LARP6: variants seen among roughly 807,000 people sequenced by gnomAD.
The protein encoded by LARP6 is la-related protein 6.
LARP6 carries 18 observed loss-of-function variants against 32.8 expected under a neutral mutation model. The observed-to-expected ratio is 0.55, with a 90% CI of 0.38 to 0.81. The LOEUF (loss-of-function observed/expected upper bound fraction) is 0.81, where lower values mean the gene tolerates loss of function less well. Among genes scored for constraint, LARP6 ranks in the 40% least tolerant of loss-of-function variants. The pLI, the probability that LARP6 is intolerant of heterozygous loss-of-function variation, is 0.00. For synonymous variants in LARP6, 289 were observed against 267.2 expected (o/e 1.08, Z -0.80); for missense variants, 598 against 663.1 (o/e 0.90, Z 1.08).
At chr15:70,847,481 C>T (rs11635210) in intron 1 of LARP6, among the ~76,000 whole-genome samples, 62,070 of 151,600 alleles carry the variant, frequency 0.41, 14,236 homozygotes, top group Admixed American at 0.63. Context: ...GCGATTCTCC[C>T]GCCTCAGCCT....
rs765085044 is a variant in LARP6, at chr15:70,832,255, C to T, written c.1273G>A (p.Val425Ile). 4.3e-6 allele frequency: 7 copies of T among 1,614,150 alleles called. No homozygotes were observed. Among genetic ancestry groups the T allele is most frequent in the East Asian group, 4.5e-5 (2 of 44,850 alleles). ...ACCCAGGGGCTGCCAGAGGGAGTGACGCTGCTGTCAGAGGAATAATCCATA... is the reference window on the plus strand; with the variant it reads ...ACCCAGGGGCTGCCAGAGGGAGTGATGCTGCTGTCAGAGGAATAATCCATA... ...KCMDYSSDSSVTPSGSPWVRR... is the reference protein window; with the variant it reads ...KCMDYSSDSSITPSGSPWVRR... The change falls in exon 3 of 3, where the codon GTC (valine) becomes ATC (isoleucine). Residue 425 changes from valine to isoleucine, a missense_variant. Physicochemically the swap from Val to Ile is conservative, Grantham distance 29. Around this residue, in one of 3 missense-constraint regions of LARP6, gnomAD observed 368 missense variants for 397.9 expected, o/e 0.92. Transcript: ENST00000299213.
chr15:70,846,400 G>T (rs560125909), intron 1 of LARP6, among the ~76,000 whole-genome samples: 3 of 152,238 alleles, frequency 2.0e-5, no homozygotes, highest in Admixed American at 2.0e-4. Flanking sequence ...TTTGAGGCCA[G>T]GAGTTCGAGA....
chr15:70,845,637 C>G (rs902946013), intron 1 of LARP6, among the ~76,000 whole-genome samples: 1 of 152,264 alleles, frequency 6.6e-6, no homozygotes, highest in African/African-American at 2.4e-5. Flanking sequence ...AAGAAGGCCA[C>G]TGTACACAGC....
In LARP6 at chr15:70,830,321, A is replaced by G. The variant is rs1320310846; in HGVS notation, c.*1731T>C. On this transcript the variant is annotated 3_prime_UTR_variant, in exon 3 of 3. Transcript: ENST00000299213. ...CACAAGTTTGGGATATTATTTTCCT[A>G]CTTCAGCAGCTGCATGTGTGATACT... 2.0e-5 allele frequency: 3 copies of G among 152,266 alleles called. No homozygotes were observed. The highest frequency in any genetic ancestry group is 1.9e-4 in the East Asian group (1 of 5,200). The allele number at this position is 152,266 out of a possible 1,614,324, so 9.4% of individuals were successfully genotyped here.
intron 1 of LARP6, chr15:70,853,656 C>T: frequency 3.1e-6 from 1 of 326,798 alleles, no homozygotes; most frequent in East Asian, 4.7e-5. Context: ...CCCTCAGATC[C>T]CGGCCGCCAG....
chr15:70,845,865 T>C (rs148695158), intron 1 of LARP6, among the ~76,000 whole-genome samples: 3 of 152,372 alleles, frequency 2.0e-5, no homozygotes, highest in East Asian at 3.9e-4. Flanking sequence ...CTGGGGGCTC[T>C]ACCCAAATGG....
chr15:70,843,103 A>AC (rs959298842), intron 1 of LARP6, among the ~76,000 whole-genome samples: 6 of 151,108 alleles, frequency 4.0e-5, no homozygotes, highest in African/African-American at 1.5e-4. Flanking sequence ...CTTCCAACCC[A>AC]CCCCCCAACT....
intron 1 of LARP6, chr15:70,853,642 A>G: frequency 3.2e-6 from 1 of 313,730 alleles, no homozygotes; most frequent in Non-Finnish European, 5.8e-6. Context: ...CCCCACGTCC[A>G]GGCCCCTCAG....
intron 1 of LARP6, among the ~76,000 whole-genome samples, chr15:70,844,394 A>G (rs2032312358): frequency 1.3e-5 from 2 of 152,108 alleles, no homozygotes; most frequent in African/African-American, 4.8e-5. Context: ...CCTATTTCCA[A>G]CCTTCCATAT....
chr15:70,841,189 A>G (rs2032251388), intron 1 of LARP6, among the ~76,000 whole-genome samples: 1 of 152,200 alleles, frequency 6.6e-6, no homozygotes, highest in South Asian at 2.1e-4. Flanking sequence ...CTGGGATTAC[A>G]GGCGTGAGCC....
intron 1 of LARP6, among the ~76,000 whole-genome samples, chr15:70,847,371 AT>A (rs893881453): frequency 0.012 from 1,688 of 144,732 alleles, 8 homozygotes; most frequent in African/African-American, 0.01. Flanking sequence ...TCAGTGCTGA[AT>A]TTTTTTTTTT....
chr15:70,848,153 G>T (rs1335609748), intron 1 of LARP6, among the ~76,000 whole-genome samples: 3 of 152,178 alleles, frequency 2.0e-5, no homozygotes, highest in Non-Finnish European at 2.9e-5. Flanking sequence ...TCTCAACTTT[G>T]TTAAAGGCAT....
In LARP6 at chr15:70,852,892, T is replaced by A. The variant is rs558591117; in HGVS notation, c.200+997A>T. Among the ~76,000 whole-genome samples, 5 of 152,166 alleles carry A rather than the reference T, an allele frequency of 3.3e-5. No individual in the cohort carries two copies. The East Asian group carries it at 9.7e-4, about 29-fold the overall frequency. On this transcript the variant is annotated intron_variant, in intron 1 of 2. Transcript: ENST00000299213. The stretch of plus-strand genomic sequence containing the variant: ...ATTCTTCCACCCTTGAGTTGAGTAT[T>A]CTCCCAGTGAAGTAGATATACGCTT...
intron 1 of LARP6, among the ~76,000 whole-genome samples, chr15:70,846,657 A>T (rs938387962): frequency 2.0e-5 from 2 of 98,050 alleles, no homozygotes; most frequent in African/African-American, 3.2e-5. Flanking sequence ...TACATAATAA[A>T]AAAAAAACCA....
At chr15:70,845,693 G>A (rs2032333273) in intron 1 of LARP6, among the ~76,000 whole-genome samples, 1 of 152,242 alleles carries the variant, frequency 6.6e-6, no homozygotes, top group South Asian at 2.1e-4. Context: ...TATTCACTGT[G>A]AAGACAAAAG....
intron 2 of LARP6, among the ~76,000 whole-genome samples, chr15:70,834,568 G>A (rs1310397211): frequency 6.6e-6 from 1 of 152,220 alleles, no homozygotes; most frequent in Non-Finnish European, 1.5e-5. Context: ...AGGAGCACCT[G>A]GGAAAGCACA....
chr15:70,841,235 C>T (rs2032252930), intron 1 of LARP6, among the ~76,000 whole-genome samples: 1 of 152,138 alleles, frequency 6.6e-6, no homozygotes, highest in Non-Finnish European at 1.5e-5. Context: ...TTCTCAATCT[C>T]TCTAATGCTT....
Position 70,829,222 on chromosome 15 carries a change from T to C in LARP6, c.*2830A>G. On this transcript the variant is annotated 3_prime_UTR_variant, in exon 3 of 3. Transcript: ENST00000299213. ...GGCGTGATCTCGGCTCACTGCAACC[T>C]CCGCCTCCCAGGTTCAAGCAATTCT... The C allele has an allele frequency of 6.6e-6, 1 of 152,414 alleles. No homozygotes were observed. The allele number at this position is 152,414 out of a possible 1,614,324, so 9.4% of individuals were successfully genotyped here.
chr15:70,836,234 A>G (rs2032144186), intron 2 of LARP6, 61 bp downstream of exon 2: 4 of 1,467,152 alleles, frequency 2.7e-6, no homozygotes, highest in South Asian at 1.2e-5. Flanking sequence ...AAAAATGTTT[A>G]AAACCACAAC....
Sources: allele counts gnomAD v4.1 joint callset (sites outside exome capture counted in the v4.1 genomes callset), GRCh38; gene constraint gnomAD v4.1.1; regional missense constraint gnomAD v4.1.1; transcripts MANE v1.5; gene names NCBI Gene and HGNC (gene_info 2026-07-23, HGNC 2026-07-21).